MLPH: variants seen among roughly 807,000 people sequenced by gnomAD.
MLPH encodes the protein exophilin-3.
MLPH carries 51 observed loss-of-function variants against 72.1 expected under a neutral mutation model. That is an observed-to-expected ratio of 0.71 (90% CI 0.56 to 0.89). The LOEUF (loss-of-function observed/expected upper bound fraction) is 0.89. Among genes scored for constraint, MLPH ranks in the 40% least tolerant of loss-of-function variants. The pLI, the probability that MLPH is intolerant of heterozygous loss-of-function variation, is 0.00. For synonymous variants in MLPH, 301 were observed against 310.1 expected (o/e 0.97, Z 0.31); for missense variants, 743 against 759.9 (o/e 0.98, Z 0.26).
At chr2:237,511,380 GGGGTTA>G in intron 4 of MLPH, 1 of 421,010 alleles carries the variant, frequency 2.4e-6, no homozygotes. Context: ...CCGAAGTGCT[GGGGTTA>G]TAAGTGTGAG....
intron 1 of MLPH, among the ~76,000 whole-genome samples, chr2:237,490,038 G>C (rs540305148): frequency 1.3e-5 from 2 of 152,302 alleles, no homozygotes; most frequent in East Asian, 3.9e-4. Context: ...CTGAGCAGTG[G>C]AACAGGCAGT....
chr2:237,497,878 T>G (rs1044803347), intron 2 of MLPH, among the ~76,000 whole-genome samples: 1 of 152,246 alleles, frequency 6.6e-6, no homozygotes, highest in African/African-American at 2.4e-5. Context: ...CTTAAATATC[T>G]GAATCAGCAA....
intron 4 of MLPH, among the ~76,000 whole-genome samples, chr2:237,516,218 T>C (rs2080014013): frequency 6.6e-6 from 1 of 152,186 alleles, no homozygotes; most frequent in Non-Finnish European, 1.5e-5. Context: ...GAAAGGTGGA[T>C]GGTCCACGGG....
chr2:237,507,802 T>G (rs910146143), intron 2 of MLPH, among the ~76,000 whole-genome samples: 1 of 152,244 alleles, frequency 6.6e-6, no homozygotes, highest in African/African-American at 2.4e-5. Context: ...AGTCGCACTT[T>G]GTTCATTTTT....
At chr2:237,528,722 CA>C (rs1392229380) in intron 8 of MLPH, among the ~76,000 whole-genome samples, 1 of 152,056 alleles carries the variant, frequency 6.6e-6, no homozygotes, top group Non-Finnish European at 1.5e-5. Flanking sequence ...CTTCACCCCC[CA>C]AAAAAATCCC....
intron 6 of MLPH, among the ~76,000 whole-genome samples, chr2:237,524,069 A>G (rs2080247559): frequency 6.6e-6 from 1 of 152,050 alleles, no homozygotes; most frequent in African/African-American, 2.4e-5. Flanking sequence ...TACTAGGTAG[A>G]ATTTTATGGA....
intron 8 of MLPH, among the ~76,000 whole-genome samples, chr2:237,534,240 A>G (rs2080484972): frequency 6.6e-6 from 1 of 152,192 alleles, no homozygotes; most frequent in Admixed American, 6.5e-5. Flanking sequence ...ACCGGCAGTG[A>G]CAGTGGCTGT....
At chr2:237,545,672 T>C in intron 12 of MLPH, 1 of 1,240,818 alleles carries the variant, frequency 8.1e-7, no homozygotes, top group African/African-American at 1.6e-5. Flanking sequence ...CCTCTCCTGA[T>C]CCCATTCAGG....
chr2:237,525,468 G>A (rs926432202), intron 6 of MLPH, 133 bp from the exon 7 acceptor site: 14 of 809,870 alleles, frequency 1.7e-5, no homozygotes, highest in East Asian at 1.3e-4. Flanking sequence ...AGGGGCCAGC[G>A]CAGATGGGTG....
chr2:237,539,555 G>A (rs1016327231), intron 9 of MLPH, among the ~76,000 whole-genome samples: 2 of 152,090 alleles, frequency 1.3e-5, no homozygotes, highest in Admixed American at 1.3e-4. Context: ...CCACTTTCTC[G>A]GAGCTGGCAC....
chr2:237,513,600 G>A (rs914704712), intron 4 of MLPH, among the ~76,000 whole-genome samples: 3 of 152,096 alleles, frequency 2.0e-5, no homozygotes, highest in African/African-American at 7.2e-5. Flanking sequence ...CAGATAGGTA[G>A]GATAATGTTG....
chr2:237,552,389 A>T lies in MLPH; in HGVS notation c.1728A>T (p.Thr576=), dbSNP rs752335189. The change falls in exon 15 of 16, where the codon ACA becomes ACT. Residue 576 remains threonine (T), a synonymous_variant. Coordinates refer to ENST00000264605, the MANE Select transcript of MLPH (RefSeq NM_024101.7). The part of the protein sequence containing the change: ...DRKSVYRGSL[T]QRNPNARKGM... ...AATCAGTGTACCGAGGCTCGCTGAC[A>T]CAGAGAAACCCCAACGCGAGGAAAG... 16 of 1,614,044 alleles carry T rather than the reference A, an allele frequency of 9.9e-6. No individual in the cohort carries two copies. The highest frequency in any genetic ancestry group is 1.3e-5 in the Non-Finnish European group (15 of 1,180,036).
In MLPH at chr2:237,547,951, G is replaced by A. The variant is rs373219898; in HGVS notation, c.1617+1268G>A. On this transcript the variant is annotated intron_variant, in intron 13 of 15. Transcript: ENST00000264605. ...CTTCAGGCCTTACCTGCAGCCCAGC[G>A]CAGCAGGGAGCCTCAAGGAACATCT... is the stretch of plus-strand genomic sequence containing the variant. Among the ~76,000 whole-genome samples the A allele has an allele frequency of 2.1e-4, 32 of 152,236 alleles. No homozygotes were observed. The East Asian group carries it at 4.4e-3, about 21-fold the overall frequency.
At chr2:237,516,451 G>A (rs901919973) in intron 4 of MLPH, among the ~76,000 whole-genome samples, 1 of 152,236 alleles carries the variant, frequency 6.6e-6, no homozygotes, top group East Asian at 1.9e-4. Flanking sequence ...GATGAGGTCA[G>A]GCCTGCTGAC....
At chr2:237,509,175 G>T (rs2079839093) in intron 2 of MLPH, among the ~76,000 whole-genome samples, 2 of 152,222 alleles carry the variant, frequency 1.3e-5, no homozygotes, top group South Asian at 4.1e-4. Flanking sequence ...AAGAAGGGAA[G>T]TTATGTTTTA....
At chr2:237,513,381 T>G (rs1372727700) in intron 4 of MLPH, among the ~76,000 whole-genome samples, 2 of 151,884 alleles carry the variant, frequency 1.3e-5, no homozygotes, top group African/African-American at 2.4e-5. Context: ...TGCCTTCCCT[T>G]CCAGTGCCTT....
intron 9 of MLPH, among the ~76,000 whole-genome samples, chr2:237,536,878 C>T (rs1056557346): frequency 2.6e-5 from 4 of 152,176 alleles, no homozygotes; most frequent in East Asian, 1.9e-4. Context: ...CAGCCACCCT[C>T]GCTCTGGCTC....
intron 2 of MLPH, among the ~76,000 whole-genome samples, chr2:237,504,773 T>G (rs2079729116): frequency 6.6e-6 from 1 of 152,220 alleles, no homozygotes; most frequent in Non-Finnish European, 1.5e-5. Context: ...CTCAGCTCTT[T>G]CTTTGTTTCT....
intron 6 of MLPH, among the ~76,000 whole-genome samples, chr2:237,523,647 C>T (rs954147516): frequency 3.3e-5 from 5 of 152,002 alleles, no homozygotes; most frequent in African/African-American, 1.2e-4. Context: ...TAAGTATTAA[C>T]GTATTTTCTC....
Sources: allele counts gnomAD v4.1 joint callset (sites outside exome capture counted in the v4.1 genomes callset), GRCh38; gene constraint gnomAD v4.1.1; transcripts MANE v1.5; gene names NCBI Gene and HGNC (gene_info 2026-07-23, HGNC 2026-07-21).